The following PAAF1 variants were observed in gnomAD, a reference collection of about 807,000 sequenced individuals.
The protein encoded by PAAF1 is proteasomal ATPase associated factor 1, also known as proteasomal ATPase-associated factor 1.
In PAAF1, 46 loss-of-function variants were observed where a neutral mutation model predicts 52.8. That is an observed-to-expected ratio of 0.87 (90% CI 0.69 to 1.11). The LOEUF (loss-of-function observed/expected upper bound fraction) is 1.11. Among genes scored for constraint, PAAF1 ranks in the 50% most tolerant of loss-of-function variants. The pLI, the probability that PAAF1 is intolerant of heterozygous loss-of-function variation, is 0.00. For missense variants in PAAF1, 424 were observed against 477.4 expected (o/e 0.89, Z 1.04); for synonymous variants, 178 against 172.8 (o/e 1.03, Z -0.24).
In PAAF1 at chr11:73,878,796, C is replaced by A; in HGVS notation, c.65C>A (p.Ala22Asp). The change falls in exon 2 of 12, where the codon GCC (alanine) becomes GAC (aspartate). Residue 22 changes from alanine (A) to aspartate (D), a missense_variant. By Grantham distance (126) the Ala-to-Asp change is moderately radical. Transcript: ENST00000310571. ...AQALRKDEGE[A>D]WLSCHPPGKP... ...CTTCGTAGGAAGGATGAAGGGGAGG[C>A]CTGGCTGAGCTGTCATCCCCCAGGT... 1 of 1,613,130 alleles carries A rather than the reference C, an allele frequency of 6.2e-7. No homozygotes were observed. The highest frequency in any genetic ancestry group is 8.5e-7 in the Non-Finnish European group (1 of 1,179,496).
intron 2 of PAAF1, among the ~76,000 whole-genome samples, chr11:73,883,096 T>C (rs1428624266): frequency 6.6e-6 from 1 of 152,112 alleles, no homozygotes; most frequent in Non-Finnish European, 1.5e-5. Flanking sequence ...AGACAAGGTC[T>C]CACTATGTTG....
At chr11:73,876,822 T>C (rs534910737), upstream of PAAF1, 2 of 457,052 alleles carry the variant, frequency 4.4e-6, no homozygotes, top group Non-Finnish European at 7.2e-6. Flanking sequence ...TCGCAGGCGG[T>C]TGGGGATCCT....
chr11:73,896,812 G>C (rs1448550716), intron 4 of PAAF1, among the ~76,000 whole-genome samples: 2 of 152,130 alleles, frequency 1.3e-5, no homozygotes, highest in Non-Finnish European at 2.9e-5. Context: ...GAGCTGTTGG[G>C]TACACCTCCC....
In PAAF1 at chr11:73,900,404, C is replaced by A; in HGVS notation, c.516C>A (p.Phe172Leu). 6.2e-7 allele frequency: 1 copy of A among 1,608,096 alleles called. No homozygotes were observed. Among genetic ancestry groups the A allele is most frequent in the South Asian group, 1.1e-5 (1 of 90,326 alleles). ...AAGATGCTAGCTGCGTGGTGACCTT[C>A]AAAGGTCACAAAGGAGGTATGAAGT... ...SAEDASCVVT[F>L]KGHKGGILDT... Residue 172 changes from phenylalanine (F) to leucine (L), a missense_variant, in exon 6 of 12, where the codon TTC (phenylalanine) becomes TTA (leucine). Physicochemically the swap from Phe to Leu is conservative, Grantham distance 22. Coordinates refer to ENST00000310571, the MANE Select transcript of PAAF1 (RefSeq NM_025155.3).
At chr11:73,904,711 T>C (rs1949714006) in intron 6 of PAAF1, among the ~76,000 whole-genome samples, 1 of 152,212 alleles carries the variant, frequency 6.6e-6, no homozygotes, top group East Asian at 1.9e-4. Context: ...CCTAGCAACA[T>C]TAAAACAGCT....
intron 3 of PAAF1, among the ~76,000 whole-genome samples, chr11:73,890,611 T>C (rs1949172240): frequency 6.6e-6 from 1 of 152,236 alleles, no homozygotes; most frequent in Non-Finnish European, 1.5e-5. Context: ...CTGGTCATTG[T>C]AAATGTCAGT....
In PAAF1 at chr11:73,924,891, G is replaced by A. The variant is rs574969506; in HGVS notation, c.1101+194G>A. Among the ~76,000 whole-genome samples, 4 of 152,062 alleles carry A rather than the reference G, an allele frequency of 2.6e-5. No individual in the cohort carries two copies. In the South Asian group the frequency reaches 6.2e-4, roughly 24 times the overall value. ...TTCTGGGCCAGGCATGGTGGCTCAC[G>A]CCTGTAATCCCAGTACTTTGGGAGG... is the stretch of plus-strand genomic sequence containing the variant. On this transcript the variant is annotated intron_variant, in intron 11 of 11. Transcript: ENST00000310571.
At chr11:73,888,502 G>A (rs7119270) in intron 3 of PAAF1, among the ~76,000 whole-genome samples, 3,235 of 152,282 alleles carry the variant, frequency 0.021, 49 homozygotes, top group Middle Eastern at 0.044. Context: ...GCTGCAGTTA[G>A]TATGCTCTGG....
chr11:73,927,449 C>G lies in PAAF1; in HGVS notation c.*87C>G. On this transcript the variant is annotated 3_prime_UTR_variant, in exon 12 of 12. Coordinates refer to ENST00000310571, the MANE Select transcript of PAAF1 (RefSeq NM_025155.3). ...AACATCATCAGTCCTTCCCAAGGAC[C>G]ATGGCGTTTAATGTCTTGGGCACCC... 8.6e-7 allele frequency: 1 copy of G among 1,159,704 alleles called. No homozygotes were observed. The highest frequency in any genetic ancestry group is 1.3e-6 in the Non-Finnish European group (1 of 783,530). 71.8% of individuals were successfully genotyped at this position (1,159,704 alleles called of 1,614,324 possible). A position where few individuals can be genotyped will look rare whatever the true frequency, so the allele number is the denominator to read the frequency against.
intron 4 of PAAF1, among the ~76,000 whole-genome samples, chr11:73,898,687 G>C (rs12791050): frequency 2.0e-5 from 3 of 152,060 alleles, no homozygotes; most frequent in Admixed American, 2.0e-4. Flanking sequence ...AGTGGTGTGC[G>C]CCTGTAGTCC....
At chr11:73,896,254 CTTT>C (rs71272248) in intron 4 of PAAF1, among the ~76,000 whole-genome samples, 3 of 121,812 alleles carry the variant, frequency 2.5e-5, no homozygotes, top group East Asian at 2.3e-4. Flanking sequence ...TATCTGAACT[CTTT>C]TTTTTTTTTT....
intron 6 of PAAF1, among the ~76,000 whole-genome samples, chr11:73,902,825 T>C (rs551632623): frequency 1.3e-5 from 2 of 152,316 alleles, no homozygotes; most frequent in East Asian, 3.9e-4. Flanking sequence ...GCCTCCCCAG[T>C]AACTGGGATT....
At chr11:73,920,472 G>A (rs1319291334) in intron 10 of PAAF1, among the ~76,000 whole-genome samples, 1 of 151,966 alleles carries the variant, frequency 6.6e-6, no homozygotes, top group African/African-American at 2.4e-5. Context: ...TGAGGCTGCA[G>A]TGAGCCATGA....
chr11:73,877,088 A>T lies in PAAF1; in HGVS notation c.47+20A>T. 1 of 1,520,280 alleles carries T rather than the reference A, an allele frequency of 6.6e-7. No homozygotes were observed. Among genetic ancestry groups the T allele is most frequent in the Non-Finnish European group, 8.8e-7 (1 of 1,129,996 alleles). 94.2% of individuals were successfully genotyped at this position (1,520,280 alleles called of 1,614,324 possible). Reference sequence around the variant, plus strand: ...CCTCAGGTGAATCCAGGCCCAGAACAGAGTCAGAGGAGGCGGGTAGTGGAT... The same window carrying T: ...CCTCAGGTGAATCCAGGCCCAGAACTGAGTCAGAGGAGGCGGGTAGTGGAT... On this transcript the variant is annotated intron_variant, in intron 1 of 11. Coordinates refer to ENST00000310571, the MANE Select transcript of PAAF1 (RefSeq NM_025155.3).
chr11:73,909,489 C>T lies in PAAF1; in HGVS notation c.623C>T (p.Ser208Leu). The T allele has an allele frequency of 1.2e-6, 2 of 1,614,188 alleles. No individual in the cohort carries two copies. The highest frequency in any genetic ancestry group is 1.7e-6 in the Non-Finnish European group (2 of 1,180,042). ...GCACGACTTTGGGATTGTGGGCGCT[C>T]AGCCTGCTTGGGAGTCCTTGCAGAT... is the stretch of plus-strand genomic sequence containing the variant. The part of the protein sequence containing the change: ...GTARLWDCGR[S>L]ACLGVLADCG... Residue 208 changes from serine to leucine, a missense_variant, in exon 7 of 12, where the codon TCA becomes TTA. Coordinates refer to ENST00000310571, the MANE Select transcript of PAAF1 (RefSeq NM_025155.3).
Position 73,927,468 on chromosome 11 carries a change from G to T in PAAF1, c.*106G>T. ...AAGGACCATGGCGTTTAATGTCTTGGGCACCCCTTGGAAATCACAGAAAGT... is the reference window on the plus strand; with the variant it reads ...AAGGACCATGGCGTTTAATGTCTTGTGCACCCCTTGGAAATCACAGAAAGT... On this transcript the variant is annotated 3_prime_UTR_variant, in exon 12 of 12. Coordinates refer to ENST00000310571, the MANE Select transcript of PAAF1 (RefSeq NM_025155.3). The T allele has an allele frequency of 1.1e-6, 1 of 937,812 alleles. No homozygotes were observed. Among genetic ancestry groups the T allele is most frequent in the Admixed American group, 2.1e-5 (1 of 48,616 alleles). The allele number at this position is 937,812 out of a possible 1,614,324, so 58.1% of individuals were successfully genotyped here. A position where few individuals can be genotyped will look rare whatever the true frequency, so the allele number is the denominator to read the frequency against.
chr11:73,887,302 A>G (rs1489747147), intron 2 of PAAF1, 52 bp from the exon 3 acceptor site: 6 of 1,420,290 alleles, frequency 4.2e-6, no homozygotes, highest in Non-Finnish European at 4.9e-6. Context: ...TCAAAGAGAA[A>G]AATAATAAAT....
intron 10 of PAAF1, among the ~76,000 whole-genome samples, chr11:73,923,016 A>G (rs1950265169): frequency 6.6e-6 from 1 of 152,090 alleles, no homozygotes; most frequent in Non-Finnish European, 1.5e-5. Context: ...AACTTAAGCT[A>G]TTATCAATAT....
chr11:73,915,999 T>G (rs1950052533), intron 8 of PAAF1, among the ~76,000 whole-genome samples: 1 of 152,212 alleles, frequency 6.6e-6, no homozygotes, highest in Admixed American at 6.5e-5. Context: ...TGCCTTTTCT[T>G]TTTAGTATGT....
Sources: allele counts gnomAD v4.1 joint callset (sites outside exome capture counted in the v4.1 genomes callset), GRCh38; gene constraint gnomAD v4.1.1; transcripts MANE v1.5; gene names NCBI Gene and HGNC (gene_info 2026-07-23, HGNC 2026-07-21).